The following CHSY3 variants were observed in gnomAD, a reference collection of about 807,000 sequenced individuals.
CHSY3 encodes chondroitin sulfate synthase 3, also known as N-acetylgalactosaminyl-proteoglycan 3-beta-glucuronosyltransferase 3.
A neutral mutation model predicts 67.2 loss-of-function variants in CHSY3; 35 were observed. The ratio of observed to expected loss-of-function variants is 0.52; its 90% CI spans 0.40 to 0.69. The LOEUF is 0.69. CHSY3 is among the 30% of genes least tolerant of loss of function. CHSY3 has a pLI of 0.00. For synonymous variants in CHSY3, 474 were observed against 434.7 expected, an observed-to-expected ratio of 1.09 and a Z score of -1.12; for missense variants, 1,069 against 1,138.5, an observed-to-expected ratio of 0.94 and a Z score of 0.88.
At chr5:130,140,379 GT>G (rs1342926402) in intron 2 of CHSY3, 8 of 645,946 alleles carry the variant, frequency 1.2e-5, no homozygotes, top group South Asian at 1.9e-5. Flanking sequence ...CAGAGGAAGT[GT>G]TTTTTATGGT....
intron 2 of CHSY3, among the ~76,000 whole-genome samples, chr5:130,003,494 A>T (rs1763791677): frequency 6.6e-6 from 1 of 152,156 alleles, no homozygotes; most frequent in Non-Finnish European, 1.5e-5. Context: ...GGCTCAGTGA[A>T]AGGCCGTGCT....
chr5:130,007,053 G>T (rs1763897748), intron 2 of CHSY3, among the ~76,000 whole-genome samples: 1 of 152,056 alleles, frequency 6.6e-6, no homozygotes, highest in Non-Finnish European at 1.5e-5. Context: ...TTAATCCTTG[G>T]ACCACACATT....
intron 2 of CHSY3, among the ~76,000 whole-genome samples, chr5:130,074,023 T>C (rs1766173989): frequency 6.6e-6 from 1 of 152,146 alleles, no homozygotes; most frequent in African/African-American, 2.4e-5. Flanking sequence ...TCATATCACG[T>C]TGGAAGATTT....
At chr5:130,170,807 A>T (rs1035338837) in intron 2 of CHSY3, among the ~76,000 whole-genome samples, 4 of 147,728 alleles carry the variant, frequency 2.7e-5, no homozygotes, top group African/African-American at 7.4e-5. Context: ...GTTTGTTCAT[A>T]TCCTTTGCCC....
chr5:130,130,428 A>C (rs1032804422), intron 2 of CHSY3, among the ~76,000 whole-genome samples: 16 of 152,262 alleles, frequency 1.1e-4, no homozygotes, highest in Admixed American at 9.2e-4. Flanking sequence ...ACAATCTCTA[A>C]GATGCCACAG....
At chr5:129,983,826 G>T (rs1435685287) in intron 2 of CHSY3, among the ~76,000 whole-genome samples, 1 of 152,024 alleles carries the variant, frequency 6.6e-6, no homozygotes, top group African/African-American at 2.4e-5. Flanking sequence ...CCCATTTTAA[G>T]GTAGAATGGT....
chr5:130,128,503 C>A (rs1238104754), intron 2 of CHSY3, among the ~76,000 whole-genome samples: 1 of 151,788 alleles, frequency 6.6e-6, no homozygotes, highest in African/African-American at 2.4e-5. Context: ...TGGTAATTAC[C>A]AGAGGCTGAG....
chr5:129,909,284 C>G (rs1352673912), intron 2 of CHSY3, among the ~76,000 whole-genome samples: 4 of 152,032 alleles, frequency 2.6e-5, no homozygotes, highest in African/African-American at 7.2e-5. Context: ...ATTATTTTAG[C>G]TACGGAGTGC....
At chr5:129,932,339 CTA>C (rs1761344751) in intron 2 of CHSY3, among the ~76,000 whole-genome samples, 1 of 151,792 alleles carries the variant, frequency 6.6e-6, no homozygotes, top group African/African-American at 2.4e-5. Context: ...CTTCAGGAAC[CTA>C]TCTTTCCCCT....
At chr5:129,922,657 C>A (rs963087136) in intron 2 of CHSY3, among the ~76,000 whole-genome samples, 3 of 151,658 alleles carry the variant, frequency 2.0e-5, no homozygotes, top group Admixed American at 2.0e-4. Flanking sequence ...CAATTCAGGT[C>A]TTTTGCCCAT....
At chr5:130,183,071 G>A (rs1770298040) in intron 2 of CHSY3, among the ~76,000 whole-genome samples, 1 of 151,702 alleles carries the variant, frequency 6.6e-6, no homozygotes, top group Non-Finnish European at 1.5e-5. Context: ...CAGACATGGT[G>A]CTGCTGGCCT....
intron 2 of CHSY3, among the ~76,000 whole-genome samples, chr5:130,046,058 C>T (rs1032242684): frequency 5.9e-5 from 9 of 151,994 alleles, no homozygotes; most frequent in South Asian, 2.1e-4. Flanking sequence ...CTGCAGGAAA[C>T]GACTATTATA....
chr5:129,959,410 G>A (rs548874730), intron 2 of CHSY3, among the ~76,000 whole-genome samples: 1 of 152,088 alleles, frequency 6.6e-6, no homozygotes, highest in South Asian at 2.1e-4. Flanking sequence ...TTTGATTTAT[G>A]ATTTGCATCT....
At chr5:130,062,062 A>G (rs1224275117) in intron 2 of CHSY3, among the ~76,000 whole-genome samples, 2 of 152,090 alleles carry the variant, frequency 1.3e-5, no homozygotes, top group African/African-American at 4.8e-5. Flanking sequence ...CCCTAAGGAA[A>G]AGAAATCATT....
At chr5:130,106,171 T>C (rs541259345) in intron 2 of CHSY3, among the ~76,000 whole-genome samples, 1 of 151,872 alleles carries the variant, frequency 6.6e-6, no homozygotes, top group African/African-American at 2.4e-5. Context: ...ACGTGATACA[T>C]TTGTAATATA....
At chr5:130,026,851 A>G (rs1045585809) in intron 2 of CHSY3, among the ~76,000 whole-genome samples, 1 of 152,104 alleles carries the variant, frequency 6.6e-6, no homozygotes, top group Non-Finnish European at 1.5e-5. Context: ...AATACTGACA[A>G]GTTTACTTTT....
In CHSY3 at chr5:130,186,227, G is replaced by C; in HGVS notation, c.*436G>C. 1 of 150,810 alleles carries C rather than the reference G, an allele frequency of 6.6e-6. No individual in the cohort carries two copies. The highest frequency in any genetic ancestry group is 1.9e-4 in the East Asian group (1 of 5,334). 9.3% of individuals were successfully genotyped at this position (150,810 alleles called of 1,614,324 possible). A position where few individuals can be genotyped will look rare whatever the true frequency, so the allele number is the denominator to read the frequency against. On this transcript the variant is annotated 3_prime_UTR_variant, in exon 3 of 3. Coordinates refer to ENST00000305031, the MANE Select transcript of CHSY3 (RefSeq NM_175856.5). ...CACAAAAGTGCTTTATGCTTCCTAT[G>C]GGGAAGGGACTCTGTAACATAAACT...
At chr5:130,165,916 T>C (rs1769734613) in intron 2 of CHSY3, among the ~76,000 whole-genome samples, 1 of 152,094 alleles carries the variant, frequency 6.6e-6, no homozygotes, top group Non-Finnish European at 1.5e-5. Context: ...TATAAAGAAT[T>C]GGAGATGGTA....
rs1191179737 is a variant in CHSY3 at position 129,998,961 on chromosome 5, C to T, written c.1086+90601C>T. ...TTTCTATTAACCCTTTTTAAGGCTTCTGTGTTATTTGACATACAGAAAGGA... is the reference window on the plus strand; with the variant it reads ...TTTCTATTAACCCTTTTTAAGGCTTTTGTGTTATTTGACATACAGAAAGGA... On this transcript the variant is annotated intron_variant, in intron 2 of 2. Transcript: ENST00000305031. 2.6e-5 allele frequency among the ~76,000 whole-genome samples: 4 copies of T among 152,086 alleles called. No individual in the cohort carries two copies. In the East Asian group the frequency reaches 5.8e-4, roughly 22 times the overall value.
Sources: allele counts gnomAD v4.1 joint callset (sites outside exome capture counted in the v4.1 genomes callset), GRCh38; gene constraint gnomAD v4.1.1; transcripts MANE v1.5; gene names NCBI Gene and HGNC (gene_info 2026-07-23, HGNC 2026-07-21).